Variants in ACP7 observed in about 807,000 individuals in gnomAD.
ACP7 encodes the protein acid phosphatase 7, tartrate resistant (putative), also known as acid phosphatase type 7.
Under a neutral mutation model 60.6 loss-of-function variants are expected in ACP7, and 58 were observed. The ratio of observed to expected loss-of-function variants is 0.96; its 90% CI spans 0.77 to 1.19. ACP7 has a LOEUF of 1.19. Ranked by LOEUF, ACP7 falls within the 50% of genes most tolerant of loss-of-function variation. The pLI is 0.00. For synonymous variants in ACP7, 237 were observed against 232.6 expected (o/e 1.02, Z -0.17); for missense variants, 574 against 596.2 (o/e 0.96, Z 0.39).
chr19:39,093,821 C>T (rs779599011), intron 2 of ACP7, among the ~76,000 whole-genome samples: 1 of 152,180 alleles, frequency 6.6e-6, no homozygotes, highest in Non-Finnish European at 1.5e-5. Context: ...TACCCCCTTA[C>T]ATTAAGGGCA....
At chr19:39,084,696 G>C (rs2073121238) in intron 1 of ACP7, among the ~76,000 whole-genome samples, 1 of 152,024 alleles carries the variant, frequency 6.6e-6, no homozygotes, top group Non-Finnish European at 1.5e-5. Context: ...GGAATGCTTG[G>C]AATCTCGGGA....
At chr19:39,085,012 C>A in intron 1 of ACP7, 80 bp from the exon 2 acceptor site, 1 of 414,784 alleles carries the variant, frequency 2.4e-6, no homozygotes, top group Admixed American at 4.3e-5. Flanking sequence ...CTATGTCAAG[C>A]GGTTGGCACA....
intron 2 of ACP7, among the ~76,000 whole-genome samples, chr19:39,096,058 G>A (rs937415327): frequency 1.3e-5 from 2 of 152,178 alleles, no homozygotes; most frequent in South Asian, 2.1e-4. Flanking sequence ...AGGGGCTGCC[G>A]CAAAGGTCTC....
At chr19:39,087,317 T>C (rs2073154228) in intron 2 of ACP7, among the ~76,000 whole-genome samples, 1 of 152,056 alleles carries the variant, frequency 6.6e-6, no homozygotes, top group South Asian at 2.1e-4. Flanking sequence ...CCGCCTAAAA[T>C]CTCTTTAGTA....
chr19:39,092,048 C>CTCTG (rs1383594689), intron 2 of ACP7, among the ~76,000 whole-genome samples: 1 of 152,130 alleles, frequency 6.6e-6, no homozygotes, highest in Admixed American at 6.6e-5. Flanking sequence ...AGAAACTTCA[C>CTCTG]TCTGTCTACG....
Position 39,089,740 on chromosome 19 carries a change from G to A in ACP7, c.121+4350G>A, listed in dbSNP as rs117915520. Among the ~76,000 whole-genome samples the A allele has an allele frequency of 1.8e-4, 27 of 152,252 alleles. No homozygotes were observed. The East Asian group carries it at 2.3e-3, about 13-fold the overall frequency. The stretch of plus-strand genomic sequence containing the variant: ...TCAGCTATTTTGTACAGTATCTCTC[G>A]TTTGGGATTTGTCTGATACTTTCTC... On this transcript the variant is annotated intron_variant, in intron 2 of 12. Transcript: ENST00000331256.
rs2073460759 is a variant in ACP7 at position 39,110,639 on chromosome 19, ACTG to A, written c.*524_*526del. ...CTGGCTCCTTCTTCACTGCTCCAGGACTGCTATGAAGAGTCCCTTCATGCCTCA... is the reference window on the plus strand; with the variant it reads ...CTGGCTCCTTCTTCACTGCTCCAGGACTATGAAGAGTCCCTTCATGCCTCA... On this transcript the variant is annotated 3_prime_UTR_variant, in exon 13 of 13. Coordinates refer to ENST00000331256, the MANE Select transcript of ACP7 (RefSeq NM_001004318.3). 1 of 155,734 alleles carries A rather than the reference ACTG, an allele frequency of 6.4e-6. No homozygotes were observed. Among genetic ancestry groups the A allele is most frequent in the African/African-American group, 2.4e-5 (1 of 41,450 alleles). The allele number at this position is 155,734 out of a possible 1,614,324, so 9.6% of individuals were successfully genotyped here.
At chr19:39,084,919 C>A (rs377097089) in intron 1 of ACP7, among the ~76,000 whole-genome samples, 173 bp from the exon 2 acceptor site, 1 of 152,058 alleles carries the variant, frequency 6.6e-6, no homozygotes, top group Non-Finnish European at 1.5e-5. Context: ...CTCAGCTGCT[C>A]GGTTTCCTCA....
At chr19:39,109,542 T>C (rs2073446235) in intron 12 of ACP7, among the ~76,000 whole-genome samples, 1 of 151,442 alleles carries the variant, frequency 6.6e-6, no homozygotes, top group South Asian at 2.1e-4. Flanking sequence ...TTGTCTCTAG[T>C]AAAAATACAA....
chr19:39,085,013 G>A (rs1290094683), intron 1 of ACP7, 79 bp from the exon 2 acceptor site: 12 of 428,708 alleles, frequency 2.8e-5, no homozygotes, highest in South Asian at 4.7e-5. Context: ...TATGTCAAGC[G>A]GTTGGCACAC....
At chr19:39,087,309 G>A (rs528392481) in intron 2 of ACP7, among the ~76,000 whole-genome samples, 15 of 152,252 alleles carry the variant, frequency 9.9e-5, no homozygotes, top group East Asian at 1.9e-4. Flanking sequence ...ACCGCGCCCC[G>A]CCTAAAATCT....
chr19:39,094,952 C>T (rs950698381), intron 2 of ACP7, among the ~76,000 whole-genome samples: 4 of 152,166 alleles, frequency 2.6e-5, no homozygotes, highest in African/African-American at 9.7e-5. Context: ...ATAAAACCCT[C>T]AGATCTCATG....
At chr19:39,104,550 A>C (rs1242878530) in intron 11 of ACP7, among the ~76,000 whole-genome samples, 1 of 152,198 alleles carries the variant, frequency 6.6e-6, no homozygotes, top group Non-Finnish European at 1.5e-5. Context: ...GGTGATTGCT[A>C]TTCTGATTTT....
rs143067899 is a variant in ACP7 at position 39,085,245 on chromosome 19, G to A, written c.-25G>A. On this transcript the variant is annotated 5_prime_UTR_variant, in exon 2 of 13. Transcript: ENST00000331256. ...CTCCTCAGTCCCCCTGCTTTTCCCC[G>A]GTCTGCCATCACCACCCCACCACCA... is the stretch of plus-strand genomic sequence containing the variant. 1.4e-4 allele frequency: 219 copies of A among 1,602,866 alleles called. No individual in the cohort carries two copies. Among genetic ancestry groups the A allele is most frequent in the African/African-American group, 1.0e-3 (78 of 74,630 alleles).
intron 2 of ACP7, among the ~76,000 whole-genome samples, chr19:39,087,661 C>T (rs562087214): frequency 1.6e-4 from 24 of 147,854 alleles, no homozygotes; most frequent in Non-Finnish European, 3.3e-4. Context: ...TGAGATGGAG[C>T]CTCACTCTGT....
intron 11 of ACP7, 57 bp downstream of exon 11, chr19:39,101,594 T>C: frequency 6.4e-7 from 1 of 1,552,342 alleles, no homozygotes; most frequent in Non-Finnish European, 8.8e-7. Context: ...TATGGAGGGC[T>C]AACTTTGTTC....
chr19:39,099,206 G>C (rs893492152), intron 4 of ACP7, 64 bp downstream of exon 4: 1 of 1,411,308 alleles, frequency 7.1e-7, no homozygotes. Context: ...GGTGGGGGGC[G>C]CGCGGGTCGG....
At chr19:39,107,165 G>C in intron 12 of ACP7, 81 bp downstream of exon 12, 1 of 1,391,270 alleles carries the variant, frequency 7.2e-7, no homozygotes, top group South Asian at 1.9e-5. Context: ...ACGTGGGCTC[G>C]GCCGGGCGCA....
upstream of ACP7, chr19:39,083,877 C>G (rs1600246193): frequency 2.6e-5 from 4 of 152,454 alleles, no homozygotes; most frequent in Admixed American, 1.3e-4. Context: ...TTGCCCCGGG[C>G]TTCTGAGGAG....
Sources: gnomAD v4.1 joint callset for allele counts (sites outside exome capture counted in the v4.1 genomes callset) on GRCh38, gnomAD v4.1.1 for gene constraint, MANE v1.5 for transcripts, NCBI Gene and HGNC (gene_info 2026-07-23, HGNC 2026-07-21) for gene names.